ADGRB3: variants seen among roughly 807,000 people sequenced by gnomAD.
ADGRB3 encodes the protein brain-specific angiogenesis inhibitor 3.
ADGRB3 carries 37 observed loss-of-function variants against 193.4 expected under a neutral mutation model. That is an observed-to-expected ratio of 0.19 (90% CI 0.15 to 0.25). ADGRB3 has a LOEUF of 0.25. Ranked by LOEUF, ADGRB3 falls within the 10% of genes least tolerant of loss-of-function variation. The pLI, the probability that ADGRB3 is intolerant of heterozygous loss-of-function variation, is 1.00. For synonymous variants in ADGRB3, 690 were observed against 644.2 expected, an observed-to-expected ratio of 1.07 and a Z score of -1.08; for missense variants, 1,637 against 1,852.9, an observed-to-expected ratio of 0.88 and a Z score of 2.14.
At chr6:68,818,331 A>T (rs1284222070) in intron 3 of ADGRB3, among the ~76,000 whole-genome samples, 2 of 152,030 alleles carry the variant, frequency 1.3e-5, no homozygotes, top group African/African-American at 4.8e-5. Context: ...ACCTCCATTA[A>T]TGAGGATTGA....
chr6:68,757,125 CCCT>C (rs1766312204), intron 3 of ADGRB3, among the ~76,000 whole-genome samples: 1 of 152,100 alleles, frequency 6.6e-6, no homozygotes, highest in African/African-American at 2.4e-5. Flanking sequence ...CTTTATTCAT[CCCT>C]CCTGTTCTTT....
At chr6:68,752,120 G>T (rs1766210847) in intron 3 of ADGRB3, among the ~76,000 whole-genome samples, 1 of 152,044 alleles carries the variant, frequency 6.6e-6, no homozygotes, top group African/African-American at 2.4e-5. Context: ...AATTTGAGGT[G>T]ATTTGTAAGC....
At chr6:69,045,126 T>C (rs542314574) in intron 13 of ADGRB3, among the ~76,000 whole-genome samples, 1 of 152,286 alleles carries the variant, frequency 6.6e-6, no homozygotes, top group Non-Finnish European at 1.5e-5. Flanking sequence ...GTTAACAGCA[T>C]CAAAATTTTA....
chr6:69,300,502 A>G (rs1159296902), intron 20 of ADGRB3, among the ~76,000 whole-genome samples: 70 of 151,836 alleles, frequency 4.6e-4, no homozygotes, highest in Non-Finnish European at 4.4e-5. Flanking sequence ...AAGGACTTCC[A>G]AATTGGAAAT....
intron 20 of ADGRB3, among the ~76,000 whole-genome samples, chr6:69,298,773 A>G (rs1484205828): frequency 6.6e-6 from 1 of 152,012 alleles, no homozygotes; most frequent in Non-Finnish European, 1.5e-5. Flanking sequence ...TTTTTAAACT[A>G]TTCATCCATT....
intron 11 of ADGRB3, 92 bp downstream of exon 11, chr6:68,994,054 CT>C: frequency 7.9e-7 from 1 of 1,263,790 alleles, no homozygotes; most frequent in Non-Finnish European, 1.1e-6. Flanking sequence ...TGGAGGCGGA[CT>C]GGAGGAAGAT....
chr6:68,935,095 C>G (rs547264561), intron 4 of ADGRB3, among the ~76,000 whole-genome samples: 39 of 152,194 alleles, frequency 2.6e-4, no homozygotes, highest in African/African-American at 9.4e-4. Context: ...AGAGCAAATG[C>G]GTCATAATGG....
chr6:68,974,918 C>A, intron 9 of ADGRB3, 54 bp downstream of exon 9: 1 of 1,440,294 alleles, frequency 6.9e-7, no homozygotes, highest in Non-Finnish European at 9.7e-7. Context: ...CCAAGAACAG[C>A]ATGCAGTGTT....
intron 10 of ADGRB3, among the ~76,000 whole-genome samples, chr6:68,990,216 A>T (rs1769196887): frequency 6.6e-6 from 1 of 152,110 alleles, no homozygotes; most frequent in Admixed American, 6.6e-5. Context: ...CATAAGGCAA[A>T]AAAAAGAGAA....
intron 20 of ADGRB3, among the ~76,000 whole-genome samples, chr6:69,239,919 C>G (rs1364231540): frequency 6.6e-6 from 1 of 151,982 alleles, no homozygotes; most frequent in Non-Finnish European, 1.5e-5. Flanking sequence ...TAAACTTACC[C>G]CTGCCTCAAA....
intron 3 of ADGRB3, among the ~76,000 whole-genome samples, chr6:68,830,531 A>C (rs1767932782): frequency 6.6e-6 from 1 of 152,202 alleles, no homozygotes; most frequent in African/African-American, 2.4e-5. Context: ...TTGGAAAAGT[A>C]AATTCCTTTT....
At chr6:69,378,723 A>G (rs770069246) in intron 30 of ADGRB3, among the ~76,000 whole-genome samples, 12 of 152,046 alleles carry the variant, frequency 7.9e-5, no homozygotes, top group Non-Finnish European at 1.6e-4. Context: ...TGAGGTCTAA[A>G]TATACATTTC....
chr6:68,776,895 A>G (rs534369361), intron 3 of ADGRB3, among the ~76,000 whole-genome samples: 25 of 152,212 alleles, frequency 1.6e-4, no homozygotes, highest in African/African-American at 6.0e-4. Flanking sequence ...AGCAAAATTC[A>G]CCTTAGTAGA....
At chr6:69,320,691 A>G (rs983372076) in intron 20 of ADGRB3, among the ~76,000 whole-genome samples, 1 of 151,612 alleles carries the variant, frequency 6.6e-6, no homozygotes, top group African/African-American at 2.4e-5. Flanking sequence ...GTTGCTTGCA[A>G]AGAACCTGAT....
chr6:68,960,325 A>C (rs1768197111), intron 8 of ADGRB3, among the ~76,000 whole-genome samples: 1 of 152,204 alleles, frequency 6.6e-6, no homozygotes, highest in Admixed American at 6.5e-5. Flanking sequence ...CCATATCATA[A>C]ATGTATACAA....
intron 3 of ADGRB3, among the ~76,000 whole-genome samples, chr6:68,883,710 G>A (rs1276959817): frequency 6.6e-6 from 1 of 152,120 alleles, no homozygotes; most frequent in Non-Finnish European, 1.5e-5. Context: ...CCAGAAGGAA[G>A]AAACTCTGAA....
intron 11 of ADGRB3, among the ~76,000 whole-genome samples, chr6:69,003,820 T>C (rs1769659045): frequency 6.6e-6 from 1 of 152,064 alleles, no homozygotes; most frequent in Non-Finnish European, 1.5e-5. Context: ...AGATAACTGG[T>C]AACTGAGGGG....
chr6:69,131,668 G>A (rs192652428), intron 17 of ADGRB3, among the ~76,000 whole-genome samples: 2 of 151,836 alleles, frequency 1.3e-5, no homozygotes, highest in East Asian at 3.9e-4. Flanking sequence ...GGATACATGT[G>A]CCAAACATGC....
chr6:69,183,622 AT>A (rs900909233), intron 17 of ADGRB3, among the ~76,000 whole-genome samples: 19 of 151,936 alleles, frequency 1.3e-4, no homozygotes, highest in African/African-American at 4.3e-4. Flanking sequence ...TATTGATTTC[AT>A]TTTTTTTGAA....
Sources: allele counts gnomAD v4.1 joint callset (sites outside exome capture counted in the v4.1 genomes callset), GRCh38; gene constraint gnomAD v4.1.1; transcripts MANE v1.5; gene names NCBI Gene and HGNC (gene_info 2026-07-23, HGNC 2026-07-21).